Variants in DPP6 observed in about 807,000 individuals in gnomAD.
DPP6 encodes A-type potassium channel modulatory protein DPP6.
Under a neutral mutation model 122.6 loss-of-function variants are expected in DPP6, and 69 were observed. The observed-to-expected ratio is 0.56, with a 90% CI of 0.46 to 0.69. DPP6 has a LOEUF of 0.69. DPP6 is among the 30% of genes least tolerant of loss of function. The probability of loss-of-function intolerance (pLI) is 0.00; values close to 1 mark genes in which losing one functional copy is unlikely to be tolerated. For missense variants in DPP6, 928 were observed against 1,116.9 expected, an observed-to-expected ratio of 0.83 and a Z score of 2.41; for synonymous variants, 418 against 433.1, an observed-to-expected ratio of 0.97 and a Z score of 0.43.
chr7:154,190,332 C>A (rs1336070533), intron 1 of DPP6, among the ~76,000 whole-genome samples: 3 of 151,984 alleles, frequency 2.0e-5, no homozygotes, highest in Non-Finnish European at 4.4e-5. Flanking sequence ...GGCTAGAATA[C>A]CCAGGGGAGG....
intron 1 of DPP6, among the ~76,000 whole-genome samples, chr7:154,165,916 G>T (rs921908564): frequency 1.3e-5 from 2 of 152,144 alleles, no homozygotes; most frequent in Admixed American, 6.5e-5. Flanking sequence ...AAATATTGGA[G>T]CTTACTTATC....
chr7:154,533,435 T>C (rs1828000870), intron 3 of DPP6, among the ~76,000 whole-genome samples: 1 of 152,244 alleles, frequency 6.6e-6, no homozygotes, highest in South Asian at 2.1e-4. Context: ...AACTTGCATC[T>C]GTAATTTAAA....
intron 1 of DPP6, among the ~76,000 whole-genome samples, chr7:154,024,832 C>G (rs1363725117): frequency 6.6e-6 from 1 of 152,230 alleles, no homozygotes; most frequent in Non-Finnish European, 1.5e-5. Context: ...GTACCACAGT[C>G]TGTGTAAGAT....
At chr7:154,449,834 C>CA (rs1213089445) in intron 2 of DPP6, among the ~76,000 whole-genome samples, 1 of 151,592 alleles carries the variant, frequency 6.6e-6, no homozygotes, top group African/African-American at 2.4e-5. Context: ...ATTGAAACCC[C>CA]ATCTCTACTA....
intron 3 of DPP6, among the ~76,000 whole-genome samples, chr7:154,514,752 T>C (rs990102960): frequency 6.6e-6 from 1 of 152,246 alleles, no homozygotes; most frequent in African/African-American, 2.4e-5. Context: ...TATTCCATTA[T>C]ATAGACAGAC....
chr7:154,235,102 G>A (rs1801126653), intron 1 of DPP6, among the ~76,000 whole-genome samples: 2 of 152,348 alleles, frequency 1.3e-5, no homozygotes, highest in South Asian at 4.1e-4. Flanking sequence ...GCACAGAATT[G>A]TGTAATCATC....
intron 1 of DPP6, among the ~76,000 whole-genome samples, chr7:154,428,889 T>C (rs1347699334): frequency 1.3e-5 from 2 of 152,092 alleles, no homozygotes; most frequent in Non-Finnish European, 2.9e-5. Flanking sequence ...AAGACACATA[T>C]TGGGTACAAC....
chr7:154,500,195 TTTGA>T lies in DPP6; in HGVS notation c.457+25160_457+25163del, dbSNP rs566658207. On this transcript the variant is annotated intron_variant, in intron 3 of 25. Coordinates refer to ENST00000377770, the MANE Select transcript of DPP6 (RefSeq NM_130797.4). ...AAATAGTTTAGGCACAGAAAGCCAC[TTTGA>T]TCAGTGATCAGTTTGAAGAAAAATG... 4.2e-4 allele frequency among the ~76,000 whole-genome samples: 63 copies of T among 149,610 alleles called. No individual in the cohort carries two copies. In the East Asian group the frequency reaches 6.0e-3, roughly 14 times the overall value.
chr7:153,801,965 A>G, the DPP6 span, among the ~76,000 whole-genome samples: 2 of 152,134 alleles, frequency 1.3e-5, no homozygotes, highest in Admixed American at 6.5e-5. Flanking sequence ...TGATCTCCTC[A>G]TGTCTCAAAC....
Position 154,751,524 on chromosome 7 carries a change from C to A in DPP6, c.884-17893C>A, listed in dbSNP as rs374289888. Among the ~76,000 whole-genome samples the A allele has an allele frequency of 2.1e-3, 309 of 149,932 alleles. 1 individual carries two copies. Among genetic ancestry groups the A allele is most frequent in the Non-Finnish European group, 3.9e-3 (263 of 67,682 alleles). On this transcript the variant is annotated intron_variant, in intron 8 of 25. Coordinates refer to ENST00000377770, the MANE Select transcript of DPP6 (RefSeq NM_130797.4). ...ACTCTAGAGGCTGAGGTGGAAGAAT[C>A]GCTTGAACCCAGGAGGTGGAGGTTG... is the stretch of plus-strand genomic sequence containing the variant.
At chr7:154,630,055 C>T (rs1054538277) in intron 5 of DPP6, among the ~76,000 whole-genome samples, 1 of 152,158 alleles carries the variant, frequency 6.6e-6, no homozygotes, top group Admixed American at 6.5e-5. Context: ...ACCCTTAGCC[C>T]TGTATTACAC....
chr7:154,218,427 A>G (rs1800124152), intron 1 of DPP6, among the ~76,000 whole-genome samples: 1 of 152,230 alleles, frequency 6.6e-6, no homozygotes, highest in South Asian at 2.1e-4. Flanking sequence ...AGTTTCCCTC[A>G]GAGTTAGGTA....
chr7:153,819,067 C>CTTTTTT, the DPP6 span, among the ~76,000 whole-genome samples: 1 of 68,560 alleles, frequency 1.5e-5, no homozygotes, highest in Non-Finnish European at 2.9e-5. Context: ...TTTTTTTCCC[C>CTTTTTT]TTTTCTTTTC....
intron 1 of DPP6, among the ~76,000 whole-genome samples, chr7:154,393,404 C>T (rs186618226): frequency 4.4e-3 from 676 of 152,270 alleles, no homozygotes; most frequent in Non-Finnish European, 6.4e-3. Context: ...TATGACTTTT[C>T]TTTAAGCATA....
chr7:154,326,469 T>A (rs1232211710), intron 1 of DPP6, among the ~76,000 whole-genome samples: 1 of 152,146 alleles, frequency 6.6e-6, no homozygotes, highest in Non-Finnish European at 1.5e-5. Flanking sequence ...AACCTATGAT[T>A]TAAGAAATGC....
At chr7:154,268,891 G>C (rs187631000) in intron 1 of DPP6, among the ~76,000 whole-genome samples, 31 of 143,386 alleles carry the variant, frequency 2.2e-4, no homozygotes, top group African/African-American at 6.1e-4. Flanking sequence ...AAATTGCCTT[G>C]TTTACTGATT....
chr7:154,846,835 A>G (rs917314698), intron 16 of DPP6, among the ~76,000 whole-genome samples: 5 of 152,264 alleles, frequency 3.3e-5, no homozygotes, highest in African/African-American at 1.2e-4. Context: ...TGTATATTAT[A>G]GTATTAACCC....
chr7:154,892,063 C>T (rs1463480360), intron 25 of DPP6, among the ~76,000 whole-genome samples: 1 of 152,120 alleles, frequency 6.6e-6, no homozygotes, highest in Admixed American at 6.5e-5. Context: ...GCACCGGGGG[C>T]GTGGTGGTGT....
chr7:154,053,487 C>G (rs1021162116), intron 1 of DPP6, among the ~76,000 whole-genome samples: 19 of 150,832 alleles, frequency 1.3e-4, no homozygotes, highest in Admixed American at 1.3e-3. Context: ...ACCTTCTCTC[C>G]CTCCCACCTG....
Sources: allele counts gnomAD v4.1 joint callset (sites outside exome capture counted in the v4.1 genomes callset), GRCh38; gene constraint gnomAD v4.1.1; transcripts MANE v1.5; gene names NCBI Gene and HGNC (gene_info 2026-07-23, HGNC 2026-07-21).